FARP1: variants seen among roughly 807,000 people sequenced by gnomAD.
FARP1 encodes the protein FERM, ARHGEF and pleckstrin domain-containing protein 1.
FARP1 carries 52 observed loss-of-function variants against 128.8 expected under a neutral mutation model. The observed-to-expected ratio is 0.40, with a 90% CI of 0.32 to 0.51. FARP1 has a LOEUF of 0.51. Ranked by LOEUF, FARP1 falls within the 20% of genes least tolerant of loss-of-function variation. FARP1 has a pLI of 0.45. For missense variants in FARP1, 1,333 were observed against 1,367.9 expected (o/e 0.97, Z 0.40); for synonymous variants, 580 against 551.8 (o/e 1.05, Z -0.72).
chr13:98,296,246 C>T (rs1235788771), intron 2 of FARP1, among the ~76,000 whole-genome samples: 1 of 152,186 alleles, frequency 6.6e-6, no homozygotes, highest in African/African-American at 2.4e-5. Flanking sequence ...GGATTAGGCT[C>T]GTCACCTTCT....
intron 2 of FARP1, among the ~76,000 whole-genome samples, chr13:98,309,483 T>A (rs926413185): frequency 8.5e-5 from 13 of 152,292 alleles, no homozygotes; most frequent in South Asian, 2.1e-4. Flanking sequence ...GGCCTTTTTT[T>A]AAACTTTTTA....
intron 1 of FARP1, among the ~76,000 whole-genome samples, chr13:98,159,873 T>A (rs1594212181): frequency 6.6e-6 from 1 of 152,356 alleles, no homozygotes; most frequent in South Asian, 2.1e-4. Flanking sequence ...CTCACTGGCC[T>A]CACCCTAGTG....
chr13:98,253,522 C>A (rs1348522338), intron 2 of FARP1, among the ~76,000 whole-genome samples: 5 of 152,170 alleles, frequency 3.3e-5, no homozygotes, highest in African/African-American at 1.2e-4. Flanking sequence ...AAACTATGGC[C>A]TGGGTTTCAC....
chr13:98,325,122 T>G (rs1887175335), intron 2 of FARP1, among the ~76,000 whole-genome samples: 1 of 152,240 alleles, frequency 6.6e-6, no homozygotes, highest in Admixed American at 6.5e-5. Context: ...AAGTAGTCCG[T>G]AAGGAAGACT....
chr13:98,160,196 A>T (rs149968052), intron 1 of FARP1, among the ~76,000 whole-genome samples: 70 of 152,302 alleles, frequency 4.6e-4, no homozygotes, highest in Non-Finnish European at 8.8e-4. Flanking sequence ...GAGGTGAGGG[A>T]AGAAGTTAAA....
intron 2 of FARP1, chr13:98,334,231 A>T (rs1252336063): frequency 6.6e-6 from 1 of 152,190 alleles, no homozygotes; most frequent in Non-Finnish European, 1.5e-5. Flanking sequence ...AGGTATATCA[A>T]TCCCTTCTGC....
chr13:98,423,523 A>G (rs1566309082), intron 16 of FARP1, among the ~76,000 whole-genome samples: 2 of 152,204 alleles, frequency 1.3e-5, no homozygotes, highest in Non-Finnish European at 2.9e-5. Flanking sequence ...GTTGAAAACC[A>G]TGTTTTAATT....
chr13:98,313,351 T>G, intron 2 of FARP1, among the ~76,000 whole-genome samples: 1 of 145,962 alleles, frequency 6.9e-6, no homozygotes, highest in Non-Finnish European at 1.5e-5. Flanking sequence ...TGCACAAACG[T>G]GCAGGCCCAG....
chr13:98,182,155 A>G (rs1165806849), intron 1 of FARP1, among the ~76,000 whole-genome samples: 2 of 152,102 alleles, frequency 1.3e-5, no homozygotes, highest in African/African-American at 2.4e-5. Flanking sequence ...TGAATTTTAC[A>G]GTGTGAAGGA....
intron 6 of FARP1, chr13:98,381,546 T>C (rs1889887973): frequency 6.6e-6 from 1 of 152,178 alleles, no homozygotes; most frequent in South Asian, 2.1e-4. Context: ...TTATTTTGGA[T>C]TGACTAAGAA....
intron 2 of FARP1, among the ~76,000 whole-genome samples, chr13:98,305,897 GT>G (rs1474739908): frequency 6.6e-6 from 1 of 150,930 alleles, no homozygotes; most frequent in African/African-American, 2.4e-5. Flanking sequence ...TCATTGGCCA[GT>G]TTCCCTTTTC....
chr13:98,274,103 T>C (rs997719734), intron 2 of FARP1, among the ~76,000 whole-genome samples: 1 of 152,216 alleles, frequency 6.6e-6, no homozygotes, highest in African/African-American at 2.4e-5. Context: ...CAGAGATTGC[T>C]TTTTTAATCT....
chr13:98,279,298 G>T (rs1387504374), intron 2 of FARP1, among the ~76,000 whole-genome samples: 1 of 152,136 alleles, frequency 6.6e-6, no homozygotes, highest in East Asian at 1.9e-4. Flanking sequence ...TGAAGTGGTG[G>T]TTACTTTTGT....
intron 1 of FARP1, among the ~76,000 whole-genome samples, chr13:98,153,629 C>A (rs1484262484): frequency 7.7e-6 from 1 of 130,120 alleles, no homozygotes; most frequent in South Asian, 2.5e-4. Context: ...AGTGGTGCAA[C>A]CTTGGCTTGC....
intron 2 of FARP1, among the ~76,000 whole-genome samples, chr13:98,296,475 C>T (rs1354587822): frequency 3.3e-5 from 5 of 150,690 alleles, no homozygotes; most frequent in Non-Finnish European, 5.9e-5. Flanking sequence ...TGGACATGGG[C>T]ATCCTTCTCC....
chr13:98,380,490 T>C (rs1410533735), intron 6 of FARP1, among the ~76,000 whole-genome samples: 1 of 151,820 alleles, frequency 6.6e-6, no homozygotes, highest in East Asian at 1.9e-4. Context: ...TAAATAAATA[T>C]GGGCAGTAAT....
Position 98,143,130 on chromosome 13 carries a change from C to G in FARP1, c.-386C>G, listed in dbSNP as rs1259881628. 1.4e-5 allele frequency: 2 copies of G among 147,628 alleles called. No individual in the cohort carries two copies. The highest frequency in any genetic ancestry group is 3.0e-5 in the Non-Finnish European group (2 of 66,266). 9.1% of individuals were successfully genotyped at this position (147,628 alleles called of 1,614,324 possible). A position where few individuals can be genotyped will look rare whatever the true frequency, so the allele number is the denominator to read the frequency against. On this transcript the variant is annotated 5_prime_UTR_variant, in exon 1 of 27. Transcript: ENST00000319562. ...TCGCCGGCCTCAGAGGCGGCGGGTCCGGCGCGGGCGCAGCGGTGCGGGCGC... is the reference window on the plus strand; with the variant it reads ...TCGCCGGCCTCAGAGGCGGCGGGTCGGGCGCGGGCGCAGCGGTGCGGGCGC...
At chr13:98,267,493 C>A (rs12876783) in intron 2 of FARP1, among the ~76,000 whole-genome samples, 2 of 152,116 alleles carry the variant, frequency 1.3e-5, no homozygotes, top group African/African-American at 4.8e-5. Context: ...CCCACCCCCC[C>A]ATATCCTTCC....
chr13:98,453,400 CA>C lies in FARP1; in HGVS notation c.*5084del. ...AAGACTGAGAAGATCATGATTCTTA[CA>C]CAAAAACTCCAGAGCATGTCACCAA... On this transcript the variant is annotated 3_prime_UTR_variant, in exon 27 of 27. Transcript: ENST00000319562. 1 of 603,974 alleles carries C rather than the reference CA, an allele frequency of 1.7e-6. No homozygotes were observed. Among genetic ancestry groups the C allele is most frequent in the Non-Finnish European group, 2.8e-6 (1 of 356,930 alleles). The allele number at this position is 603,974 out of a possible 1,614,324, so 37.4% of individuals were successfully genotyped here.
Sources: allele counts gnomAD v4.1 joint callset (sites outside exome capture counted in the v4.1 genomes callset), GRCh38; gene constraint gnomAD v4.1.1; transcripts MANE v1.5; gene names NCBI Gene and HGNC (gene_info 2026-07-23, HGNC 2026-07-21).